RBFOX1: variants seen among roughly 807,000 people sequenced by gnomAD.
The protein encoded by RBFOX1 is RNA binding fox-1 homolog 1, also known as RNA binding protein fox-1 homolog 1.
Under a neutral mutation model 57.7 loss-of-function variants are expected in RBFOX1, and 8 were observed. The ratio of observed to expected loss-of-function variants is 0.14; its 90% CI spans 0.08 to 0.25. The LOEUF (loss-of-function observed/expected upper bound fraction) is 0.25, where lower values mean the gene tolerates loss of function less well. Among genes scored for constraint, RBFOX1 ranks in the 10% least tolerant of loss-of-function variants. The pLI is 1.00. For missense variants in RBFOX1, 611 were observed against 548.5 expected, an observed-to-expected ratio of 1.11 and a Z score of -1.14; for synonymous variants, 326 against 222.4, an observed-to-expected ratio of 1.47 and a Z score of -4.15.
intron 2 of RBFOX1, among the ~76,000 whole-genome samples, chr16:6,509,132 C>G (rs2096190682): frequency 6.6e-6 from 1 of 152,088 alleles, no homozygotes. Context: ...TTTCTTTTGT[C>G]TTAAGTAACC....
In RBFOX1 at chr16:5,807,205, A is replaced by G. The variant is rs183831616; in HGVS notation, c.319-60098A>G. On this transcript the variant is annotated intron_variant, in intron 3 of 19. Coordinates refer to the RBFOX1 transcript ENST00000641259. The stretch of plus-strand genomic sequence containing the variant: ...CCACCATGATGGAACCTACCTCCCT[A>G]TTGTCCTGGGCAGTAAGATAGTTGT... Among the ~76,000 whole-genome samples, 102 of 152,036 alleles carry G rather than the reference A, an allele frequency of 6.7e-4. 1 individual carries two copies. In the East Asian group the frequency reaches 0.016, roughly 25 times the overall value.
chr16:5,521,817 C>T (rs1008253173), intron 2 of RBFOX1, among the ~76,000 whole-genome samples: 2 of 152,226 alleles, frequency 1.3e-5, no homozygotes, highest in Non-Finnish European at 2.9e-5. Context: ...ATGTCTCTCA[C>T]CCCGGAAGTT....
chr16:7,037,319 A>G (rs2044796202), intron 3 of RBFOX1, among the ~76,000 whole-genome samples: 1 of 133,884 alleles, frequency 7.5e-6, no homozygotes, highest in African/African-American at 2.9e-5. Context: ...TTGGCTCACC[A>G]TAACCTCCAC....
At chr16:7,691,825 G>C (rs911819455) in intron 14 of RBFOX1, among the ~76,000 whole-genome samples, 4 of 152,136 alleles carry the variant, frequency 2.6e-5, no homozygotes, top group African/African-American at 4.8e-5. Flanking sequence ...TCCTGCCATA[G>C]ATATGTGAAT....
chr16:5,541,448 G>GTAA (rs533610457), intron 2 of RBFOX1, among the ~76,000 whole-genome samples: 21 of 152,208 alleles, frequency 1.4e-4, no homozygotes, highest in South Asian at 1.0e-3. Flanking sequence ...ATGAATATAG[G>GTAA]TAAGATGTAC....
At chr16:5,678,529 A>T (rs2050234198) in intron 3 of RBFOX1, among the ~76,000 whole-genome samples, 1 of 152,162 alleles carries the variant, frequency 6.6e-6, no homozygotes, top group Non-Finnish European at 1.5e-5. Context: ...TTCAAGTTAG[A>T]ACCCGGTTCC....
At chr16:6,855,497 G>GA (rs2057678198) in intron 3 of RBFOX1, among the ~76,000 whole-genome samples, 1 of 151,854 alleles carries the variant, frequency 6.6e-6, no homozygotes, top group Admixed American at 6.6e-5. Flanking sequence ...TAAAAATACA[G>GA]AAAAAATTAG....
intron 4 of RBFOX1, among the ~76,000 whole-genome samples, chr16:6,010,739 C>T (rs767657224): frequency 2.6e-5 from 4 of 152,158 alleles, no homozygotes; most frequent in Non-Finnish European, 5.9e-5. Context: ...AAACGGTATC[C>T]GTTAGATGTT....
chr16:5,766,533 C>G (rs1354012297), intron 3 of RBFOX1, among the ~76,000 whole-genome samples: 1 of 152,038 alleles, frequency 6.6e-6, no homozygotes, highest in Non-Finnish European at 1.5e-5. Flanking sequence ...TGCAGTGAGC[C>G]GAGATCACAT....
intron 14 of RBFOX1, among the ~76,000 whole-genome samples, chr16:7,707,779 T>C (rs113311147): frequency 6.6e-5 from 10 of 152,270 alleles, no homozygotes; most frequent in Admixed American, 2.0e-4. Flanking sequence ...ATGAAACCCA[T>C]AGGATCAGGT....
chr16:7,297,425 T>G (rs573768503), intron 4 of RBFOX1, among the ~76,000 whole-genome samples: 2 of 152,308 alleles, frequency 1.3e-5, no homozygotes, highest in Admixed American at 1.3e-4. Flanking sequence ...GATCTGGGTA[T>G]TTTTATTTTG....
In RBFOX1 at chr16:5,751,361, C is replaced by G. The variant is rs549337616; in HGVS notation, c.319-115942C>G. On this transcript the variant is annotated intron_variant, in intron 3 of 19. Coordinates refer to the RBFOX1 transcript ENST00000641259. The stretch of plus-strand genomic sequence containing the variant: ...GTGCATCCCTTATCTTTCTTTTTCT[C>G]TCGGGGAGCTTTCATACTGATTACG... Among the ~76,000 whole-genome samples the G allele has an allele frequency of 2.6e-5, 4 of 152,196 alleles. No homozygotes were observed. In the South Asian group the frequency reaches 8.3e-4, roughly 32 times the overall value.
At chr16:6,284,844 T>G (rs1489979264) in intron 1 of RBFOX1, among the ~76,000 whole-genome samples, 1 of 152,176 alleles carries the variant, frequency 6.6e-6, no homozygotes, top group Non-Finnish European at 1.5e-5. Context: ...TACGAGTGCA[T>G]GGAGAACACA....
At position 7,581,398 on chromosome 16, in the gene RBFOX1, CT is replaced by C. The variant is rs2093750482; in HGVS notation, c.414+1479del. 2.6e-5 allele frequency among the ~76,000 whole-genome samples: 4 copies of C among 152,228 alleles called. No homozygotes were observed. The South Asian group carries it at 8.3e-4, about 32-fold the overall frequency. ...GATGGGCGGTAAGAGGAGTTATATTCTCTTTGCCGTGTCAGGTTAGGAAGAC... is the reference window on the plus strand; with the variant it reads ...GATGGGCGGTAAGAGGAGTTATATTCCTTTGCCGTGTCAGGTTAGGAAGAC... On this transcript the variant is annotated intron_variant, in intron 6 of 15. Coordinates refer to ENST00000550418, the MANE Select transcript of RBFOX1 (RefSeq NM_018723.4).
chr16:7,312,129 C>T (rs1008969873), intron 4 of RBFOX1, among the ~76,000 whole-genome samples: 3 of 152,214 alleles, frequency 2.0e-5, no homozygotes, highest in African/African-American at 7.2e-5. Context: ...CCTGTAATCC[C>T]AGCACTTTAG....
At chr16:6,527,707 G>T (rs1830361197) in intron 2 of RBFOX1, among the ~76,000 whole-genome samples, 1 of 152,118 alleles carries the variant, frequency 6.6e-6, no homozygotes, top group Non-Finnish European at 1.5e-5. Flanking sequence ...TTATCCTCCT[G>T]AGTCAGAGCC....
intron 1 of RBFOX1, among the ~76,000 whole-genome samples, chr16:5,352,664 T>C (rs1324831168): frequency 6.6e-6 from 1 of 152,190 alleles, no homozygotes; most frequent in Non-Finnish European, 1.5e-5. Context: ...TACTCTTCGG[T>C]GGTCACGGTG....
rs1567672510 is a variant in RBFOX1 at position 6,557,070 on chromosome 16, TATATAC to T, written c.-63-97527_-63-97522del. On this transcript the variant is annotated intron_variant, in intron 2 of 15. Transcript: ENST00000550418. ...ACATATATATACATATATACATACA[TATATAC>T]ATATATACATACATATACATATATA... 3.2e-4 allele frequency among the ~76,000 whole-genome samples: 46 copies of T among 145,866 alleles called. No homozygotes were observed. In the East Asian group the frequency reaches 7.5e-3, roughly 24 times the overall value.
intron 1 of RBFOX1, among the ~76,000 whole-genome samples, chr16:5,260,511 A>G (rs1596327183): frequency 6.6e-6 from 1 of 152,238 alleles, no homozygotes; most frequent in East Asian, 1.9e-4. Flanking sequence ...CAACTCAGAT[A>G]AATGTAGTTT....
Sources: gnomAD v4.1 joint callset for allele counts (sites outside exome capture counted in the v4.1 genomes callset) on GRCh38, gnomAD v4.1.1 for gene constraint, MANE v1.5 for transcripts, NCBI Gene and HGNC (gene_info 2026-07-23, HGNC 2026-07-21) for gene names.